Variants in EMILIN2 observed in about 807,000 individuals in gnomAD.
EMILIN2 encodes elastin microfibril interfacer 2.
EMILIN2 carries 71 observed loss-of-function variants against 87.1 expected under a neutral mutation model. The observed-to-expected ratio is 0.82, with a 90% CI of 0.67 to 0.99. EMILIN2 has a LOEUF of 0.99. EMILIN2 is among the 50% of genes least tolerant of loss of function. EMILIN2 has a pLI of 0.00. For missense variants in EMILIN2, 1,407 were observed against 1,371.8 expected (o/e 1.03, Z -0.40); for synonymous variants, 581 against 563.4 (o/e 1.03, Z -0.44).
intron 2 of EMILIN2, among the ~76,000 whole-genome samples, chr18:2,875,118 A>G (rs2076740829): frequency 6.6e-6 from 1 of 152,214 alleles, no homozygotes. Flanking sequence ...CGGTGCTGCA[A>G]ACCAGTGAAA....
chr18:2,910,765 A>G (rs543610009), intron 7 of EMILIN2, among the ~76,000 whole-genome samples: 2 of 152,300 alleles, frequency 1.3e-5, no homozygotes, highest in Admixed American at 6.5e-5. Context: ...CTGTCTAGTC[A>G]CTGTCTGGCT....
At chr18:2,887,827 C>T (rs1472227567) in intron 3 of EMILIN2, among the ~76,000 whole-genome samples, 2 of 152,110 alleles carry the variant, frequency 1.3e-5, no homozygotes. Flanking sequence ...ATTTTAGAGA[C>T]AGGGTCTTGC....
chr18:2,860,104 G>C (rs1032750106), intron 2 of EMILIN2, among the ~76,000 whole-genome samples: 1 of 152,146 alleles, frequency 6.6e-6, no homozygotes, highest in African/African-American at 2.4e-5. Context: ...GTTCTGTGAA[G>C]AATGATGGTG....
intron 2 of EMILIN2, among the ~76,000 whole-genome samples, chr18:2,868,287 G>A (rs188915546): frequency 0.092 from 13,903 of 151,386 alleles, 2,088 homozygotes; most frequent in African/African-American, 0.32. Context: ...GGATGGCGGC[G>A]GGGAAGAGGC....
chr18:2,876,627 G>A (rs200310826), intron 2 of EMILIN2, among the ~76,000 whole-genome samples: 45,658 of 131,886 alleles, frequency 0.35, 7,565 homozygotes, highest in East Asian at 0.72. Context: ...TTAGCCGGGT[G>A]TGGTGGCGGG....
intron 2 of EMILIN2, among the ~76,000 whole-genome samples, chr18:2,862,898 A>C (rs1445610727): frequency 2.0e-5 from 3 of 152,052 alleles, no homozygotes; most frequent in East Asian, 1.9e-4. Context: ...TCAATTTCAG[A>C]GCCTGTTATT....
At chr18:2,849,796 A>G (rs2076593611) in intron 2 of EMILIN2, among the ~76,000 whole-genome samples, 1 of 152,252 alleles carries the variant, frequency 6.6e-6, no homozygotes, top group Non-Finnish European at 1.5e-5. Context: ...ATGAACCTGA[A>G]AATCTTGACA....
At chr18:2,888,462 T>TC (rs2144031424) in intron 3 of EMILIN2, among the ~76,000 whole-genome samples, 1 of 152,148 alleles carries the variant, frequency 6.6e-6, no homozygotes, top group African/African-American at 2.4e-5. Context: ...ACGTCTGTAA[T>TC]CCCAGCACTT....
chr18:2,865,820 G>GAGGC (rs1261676544), intron 2 of EMILIN2, among the ~76,000 whole-genome samples: 3 of 152,224 alleles, frequency 2.0e-5, no homozygotes, highest in African/African-American at 4.8e-5. Flanking sequence ...GCAGTCTACA[G>GAGGC]AGGCAGGCAG....
chr18:2,911,102 G>GC (rs1264307347), intron 7 of EMILIN2, among the ~76,000 whole-genome samples: 1 of 151,996 alleles, frequency 6.6e-6, no homozygotes, highest in Admixed American at 6.5e-5. Context: ...TGAGACTGAG[G>GC]CAAGTTTTAG....
At chr18:2,869,984 G>A (rs1468599079) in intron 2 of EMILIN2, among the ~76,000 whole-genome samples, 1 of 152,172 alleles carries the variant, frequency 6.6e-6, no homozygotes, top group Non-Finnish European at 1.5e-5. Context: ...GCTCACACCT[G>A]TAACACGACA....
At chr18:2,906,641 C>T (rs2144068818) in intron 4 of EMILIN2, 142 bp from the exon 5 acceptor site, 1 of 647,626 alleles carries the variant, frequency 1.5e-6, no homozygotes, top group Admixed American at 4.5e-5. Context: ...CCCGTGTGTC[C>T]CGCTGGCCTG....
At chr18:2,903,856 C>T (rs181331999) in intron 4 of EMILIN2, among the ~76,000 whole-genome samples, 3 of 152,180 alleles carry the variant, frequency 2.0e-5, no homozygotes, top group Non-Finnish European at 4.4e-5. Flanking sequence ...TAGACTTTTG[C>T]AATAAGGCTT....
intron 4 of EMILIN2, among the ~76,000 whole-genome samples, chr18:2,896,245 G>A (rs1399856636): frequency 6.6e-6 from 1 of 151,974 alleles, no homozygotes; most frequent in East Asian, 1.9e-4. Context: ...GCGTGATCTT[G>A]GCTCACTGCA....
Position 2,906,873 on chromosome 18 carries a change from C to A in EMILIN2, c.2450C>A (p.Ala817Glu). ...APPRPSGPAT[A>E]EDPGRRPVLP... ...CCGAGGCCCAGCGGCCCCGCAACCGCAGAGGACCCTGGGCGACGGCCCGTC... is the reference window on the plus strand; with the variant it reads ...CCGAGGCCCAGCGGCCCCGCAACCGAAGAGGACCCTGGGCGACGGCCCGTC... The change falls in exon 5 of 8, where the codon GCA becomes GAA. Residue 817 changes from alanine to glutamate, a missense_variant. Transcript: ENST00000254528. 7.2e-7 allele frequency: 1 copy of A among 1,385,732 alleles called. No homozygotes were observed. Among genetic ancestry groups the A allele is most frequent in the Non-Finnish European group, 9.4e-7 (1 of 1,068,542 alleles). 85.8% of individuals were successfully genotyped at this position (1,385,732 alleles called of 1,614,324 possible). A position where few individuals can be genotyped will look rare whatever the true frequency, so the allele number is the denominator to read the frequency against.
intron 2 of EMILIN2, among the ~76,000 whole-genome samples, chr18:2,882,883 CAAAA>C (rs35511550): frequency 6.8e-6 from 1 of 146,668 alleles, no homozygotes; most frequent in Non-Finnish European, 1.5e-5. Context: ...AACATCATCT[CAAAA>C]AAAAAAAAAT....
At chr18:2,850,285 C>A (rs923136529) in intron 2 of EMILIN2, among the ~76,000 whole-genome samples, 2 of 151,716 alleles carry the variant, frequency 1.3e-5, no homozygotes, top group Non-Finnish European at 2.9e-5. Flanking sequence ...AAGGAAGGAG[C>A]CTTCTTTTTA....
At position 2,891,688 on chromosome 18, in the gene EMILIN2, G is replaced by A; in HGVS notation, c.1561G>A (p.Ala521Thr). Residue 521 changes from alanine (A) to threonine (T), a missense_variant, in exon 4 of 8, where the codon GCA becomes ACA. Transcript: ENST00000254528. The surrounding 1 kb of genome is among the most constrained non-coding windows in gnomAD (Gnocchi z 4.6). ...TGGTGCAGAGCTCAGTCCCCCAGGG[G>A]CAGCAGCCCTGCCAGGAGTGTCAGG... ...NTGAELSPPG[A>T]AALPGVSGSG... The A allele has an allele frequency of 6.2e-7, 1 of 1,614,156 alleles. No individual in the cohort carries two copies. The highest frequency in any genetic ancestry group is 8.5e-7 in the Non-Finnish European group (1 of 1,180,034).
At chr18:2,867,543 G>A (rs931245516) in intron 2 of EMILIN2, among the ~76,000 whole-genome samples, 1 of 152,100 alleles carries the variant, frequency 6.6e-6, no homozygotes, top group Non-Finnish European at 1.5e-5. Flanking sequence ...TTAGGGAGTG[G>A]TGATGACTCT....
Sources: gnomAD v4.1 joint callset for allele counts (sites outside exome capture counted in the v4.1 genomes callset) on GRCh38, gnomAD v4.1.1 for gene constraint, Gnocchi (gnomAD v3.1) non-coding constraint, MANE v1.5 for transcripts, NCBI Gene and HGNC (gene_info 2026-07-23, HGNC 2026-07-21) for gene names.